The following CSMD1 variants were observed in gnomAD, a reference collection of about 807,000 sequenced individuals.
CSMD1 encodes the protein CUB and sushi domain-containing protein 1.
In CSMD1, 213 loss-of-function variants were observed where a neutral mutation model predicts 417.5. The ratio of observed to expected loss-of-function variants is 0.51; its 90% confidence interval spans 0.46 to 0.57. CSMD1 has a LOEUF of 0.57. Ranked by LOEUF, CSMD1 falls within the 20% of genes least tolerant of loss-of-function variation. The pLI is 0.00. For synonymous variants in CSMD1, 2,862 were observed against 1,736.8 expected, an observed-to-expected ratio of 1.65 and a Z score of -16.11; for missense variants, 6,923 against 4,529.7, an observed-to-expected ratio of 1.53 and a Z score of -15.17.
chr8:3,407,962 C>A lies in CSMD1; in HGVS notation c.2008G>T (p.Val670Phe). Residue 670 changes from valine (V) to phenylalanine (F), a missense_variant, in exon 14 of 70, where the codon GTT (valine) becomes TTT (phenylalanine). Coordinates refer to ENST00000635120, the MANE Select transcript of CSMD1 (RefSeq NM_033225.6). ...PSQLASSGHI[V>F]RLEFQSDHST... ...TGGTCAGACTGAAATTCCAAGCGAA[C>A]TATATGCCCACTGCTGGCCAGCTGG... is the stretch of plus-strand genomic sequence containing the variant. 2 of 1,613,680 alleles carry A rather than the reference C, an allele frequency of 1.2e-6. No homozygotes were observed. Among genetic ancestry groups the A allele is most frequent in the Non-Finnish European group, 1.7e-6 (2 of 1,179,794 alleles).
intron 12 of CSMD1, among the ~76,000 whole-genome samples, chr8:3,455,146 A>G (rs1816021831): frequency 6.6e-6 from 1 of 152,040 alleles, no homozygotes; most frequent in Non-Finnish European, 1.5e-5. Context: ...TTCTCCTGCC[A>G]TGGTTTTCAG....
chr8:4,453,556 G>A lies in CSMD1; in HGVS notation c.303-33491C>T, dbSNP rs2959178. On this transcript the variant is annotated intron_variant, in intron 2 of 69. Coordinates refer to ENST00000635120, the MANE Select transcript of CSMD1 (RefSeq NM_033225.6). ...GAACACAGCCGACAGAATAACTTGG[G>A]CCACATGACTGGCTTATATCGCTTG... Among the ~76,000 whole-genome samples the A allele has an allele frequency of 7.1e-3, 1,082 of 152,256 alleles. 12 individuals are homozygous for A. Among genetic ancestry groups the A allele is most frequent in the African/African-American group, 0.023 (973 of 41,536 alleles).
At chr8:3,309,002 G>T (rs1805113150) in intron 23 of CSMD1, among the ~76,000 whole-genome samples, 1 of 152,106 alleles carries the variant, frequency 6.6e-6, no homozygotes, top group Non-Finnish European at 1.5e-5. Flanking sequence ...GGGATTACAG[G>T]CGTGAGCCAC....
chr8:3,831,798 G>A (rs772890587), intron 5 of CSMD1, among the ~76,000 whole-genome samples: 1 of 152,098 alleles, frequency 6.6e-6, no homozygotes, highest in Admixed American at 6.6e-5. Flanking sequence ...TCACACGCGG[G>A]ACTGTGAAAT....
At chr8:4,676,475 CA>C (rs1805689283) in intron 1 of CSMD1, among the ~76,000 whole-genome samples, 1 of 152,124 alleles carries the variant, frequency 6.6e-6, no homozygotes, top group Non-Finnish European at 1.5e-5. Context: ...AACTCTCCTT[CA>C]ACTTATCACA....
rs536770361 is a variant in CSMD1, at chr8:4,992,555, C to T, written c.85+1777G>A. Among the ~76,000 whole-genome samples the T allele has an allele frequency of 3.4e-4, 52 of 152,312 alleles. No individual in the cohort carries two copies. In the South Asian group the frequency reaches 0.011, roughly 31 times the overall value. The stretch of plus-strand genomic sequence containing the variant: ...CACGCAGGGGCTCGGCTGGAAAAAG[C>T]CAGGTCCTGTCCCTTGGGCTCCTGC... On this transcript the variant is annotated intron_variant, in intron 1 of 69. Transcript: ENST00000635120.
chr8:4,951,495 G>T (rs1479907766), intron 1 of CSMD1, among the ~76,000 whole-genome samples: 1 of 149,316 alleles, frequency 6.7e-6, no homozygotes, highest in Admixed American at 6.7e-5. Context: ...AACAGAACAG[G>T]GAAAGGGAAA....
Position 4,184,515 on chromosome 8 carries a change from G to A in CSMD1, c.416-152416C>T, listed in dbSNP as rs1465751280. Among the ~76,000 whole-genome samples the A allele has an allele frequency of 2.6e-5, 4 of 152,230 alleles. No homozygotes were observed. The East Asian group carries it at 7.7e-4, about 29-fold the overall frequency. On this transcript the variant is annotated intron_variant, in intron 3 of 69. Transcript: ENST00000635120. The stretch of plus-strand genomic sequence containing the variant: ...AGAAAATGTGGCATGTATACACCAT[G>A]GAATACTATGCAGCCATAAAAAAGG...
chr8:3,939,684 C>T (rs1311285868), intron 5 of CSMD1, among the ~76,000 whole-genome samples: 1 of 152,002 alleles, frequency 6.6e-6, no homozygotes, highest in Non-Finnish European at 1.5e-5. Flanking sequence ...TAGTAGTCAG[C>T]CACATAAAAA....
At chr8:4,473,531 G>T (rs1800645048) in intron 2 of CSMD1, among the ~76,000 whole-genome samples, 1 of 152,100 alleles carries the variant, frequency 6.6e-6, no homozygotes, top group African/African-American at 2.4e-5. Context: ...TTGCAATTAG[G>T]CTATGCCTTT....
intron 1 of CSMD1, among the ~76,000 whole-genome samples, chr8:4,897,628 C>T (rs766424992): frequency 1.3e-5 from 2 of 151,992 alleles, no homozygotes; most frequent in Non-Finnish European, 2.9e-5. Context: ...TTTGTCATTA[C>T]GTTAATGTCC....
At chr8:3,743,641 C>T (rs1156962472) in intron 6 of CSMD1, among the ~76,000 whole-genome samples, 1 of 152,060 alleles carries the variant, frequency 6.6e-6, no homozygotes, top group African/African-American at 2.4e-5. Context: ...CTTTTTGGTT[C>T]CTAAATGAGG....
intron 62 of CSMD1, among the ~76,000 whole-genome samples, chr8:2,960,313 A>G (rs908397547): frequency 5.3e-5 from 8 of 152,252 alleles, no homozygotes; most frequent in Non-Finnish European, 4.4e-5. Flanking sequence ...CAAGAGAGCT[A>G]CAAGGAAATG....
chr8:3,725,474 C>G (rs1163968963), intron 6 of CSMD1, among the ~76,000 whole-genome samples: 2 of 152,022 alleles, frequency 1.3e-5, no homozygotes, highest in African/African-American at 4.8e-5. Context: ...GGAGAAATAC[C>G]GGTGCTGATT....
intron 1 of CSMD1, among the ~76,000 whole-genome samples, chr8:4,750,290 A>C (rs1676947): frequency 1.1e-3 from 162 of 152,150 alleles, no homozygotes; most frequent in African/African-American, 3.8e-3. Flanking sequence ...TACAGGGTGA[A>C]CCACCATGCC....
At chr8:3,865,394 T>C (rs972697621) in intron 5 of CSMD1, among the ~76,000 whole-genome samples, 3 of 152,170 alleles carry the variant, frequency 2.0e-5, no homozygotes, top group Non-Finnish European at 2.9e-5. Flanking sequence ...CCTCAGTCCC[T>C]GGGCTCCTTG....
At chr8:4,750,768 A>AG (rs1309278298) in intron 1 of CSMD1, among the ~76,000 whole-genome samples, 1 of 151,906 alleles carries the variant, frequency 6.6e-6, no homozygotes, top group Non-Finnish European at 1.5e-5. Context: ...AAAAAAAAAA[A>AG]GTAGTATTAG....
intron 7 of CSMD1, among the ~76,000 whole-genome samples, chr8:3,701,399 G>C (rs1800857970): frequency 6.6e-6 from 1 of 152,098 alleles, no homozygotes; most frequent in African/African-American, 2.4e-5. Context: ...AGAGAGAACA[G>C]TTGCGAAAGT....
intron 7 of CSMD1, among the ~76,000 whole-genome samples, chr8:3,659,305 G>A (rs1196079801): frequency 6.6e-6 from 1 of 152,156 alleles, no homozygotes; most frequent in Non-Finnish European, 1.5e-5. Flanking sequence ...TTGACAAATT[G>A]TGTAGTTATT....
Sources: allele counts gnomAD v4.1 joint callset (sites outside exome capture counted in the v4.1 genomes callset), GRCh38; gene constraint gnomAD v4.1.1; transcripts MANE v1.5; gene names NCBI Gene and HGNC (gene_info 2026-07-23, HGNC 2026-07-21).